Variants in NDUFS4 observed in about 807,000 individuals in gnomAD.
The protein encoded by NDUFS4 is NADH:ubiquinone oxidoreductase subunit S4, also known as NADH dehydrogenase [ubiquinone] iron-sulfur protein 4, mitochondrial.
Under a neutral mutation model 24.3 loss-of-function variants are expected in NDUFS4, and 28 were observed. The observed-to-expected ratio is 1.15, with a 90% confidence interval of 0.85 to 1.58. The LOEUF (loss-of-function observed/expected upper bound fraction) is 1.58, where lower values mean the gene tolerates loss of function less well. Among genes scored for constraint, NDUFS4 ranks in the 40% most tolerant of loss-of-function variants. The probability of loss-of-function intolerance (pLI) is 0.00; values close to 1 mark genes in which losing one functional copy is unlikely to be tolerated. For synonymous variants in NDUFS4, 93 were observed against 69.7 expected (o/e 1.34, Z -1.67); for missense variants, 223 against 207.9 (o/e 1.07, Z -0.45).
intron 4 of NDUFS4, among the ~76,000 whole-genome samples, chr5:53,665,531 G>A (rs746668007): frequency 2.6e-5 from 4 of 152,316 alleles, no homozygotes; most frequent in South Asian, 2.1e-4. Flanking sequence ...AATGGCGGAC[G>A]CCCCTCCCAC....
At chr5:53,633,617 T>C (rs1016705864) in intron 2 of NDUFS4, among the ~76,000 whole-genome samples, 1 of 152,198 alleles carries the variant, frequency 6.6e-6, no homozygotes, top group African/African-American at 2.4e-5. Flanking sequence ...TATGAAGGCT[T>C]CTGTGTCACA....
chr5:53,678,956 C>CTGTAACAAACACCTTGGAGGAGGATGCT (rs1376081186), intron 4 of NDUFS4, among the ~76,000 whole-genome samples: 1 of 152,072 alleles, frequency 6.6e-6, no homozygotes, highest in African/African-American at 2.4e-5. Context: ...CATCCAGGTA[C>CTGTAACAAACACCTTGGAGGAGGATGCT]TGTAACAAAC....
intron 2 of NDUFS4, among the ~76,000 whole-genome samples, chr5:53,605,080 G>A (rs1158301129): frequency 6.6e-6 from 1 of 152,136 alleles, no homozygotes; most frequent in African/African-American, 2.4e-5. Context: ...AATTAGCTGG[G>A]CGTGGTGGCG....
intron 2 of NDUFS4, among the ~76,000 whole-genome samples, chr5:53,642,503 G>A (rs866497863): frequency 1.3e-5 from 2 of 152,116 alleles, no homozygotes; most frequent in South Asian, 2.1e-4. Flanking sequence ...AAAAGAGAGC[G>A]GCCAGCAAGA....
chr5:53,624,217 A>G (rs925965730), intron 2 of NDUFS4, among the ~76,000 whole-genome samples: 1 of 152,156 alleles, frequency 6.6e-6, no homozygotes, highest in Non-Finnish European at 1.5e-5. Flanking sequence ...TGGCCCATAT[A>G]TCTATTCTCT....
chr5:53,670,314 C>A (rs1045660262), intron 4 of NDUFS4, among the ~76,000 whole-genome samples: 1 of 151,910 alleles, frequency 6.6e-6, no homozygotes, highest in Non-Finnish European at 1.5e-5. Flanking sequence ...TAATCTAGAT[C>A]TACACTATCC....
At chr5:53,618,086 A>G (rs569041048) in intron 2 of NDUFS4, among the ~76,000 whole-genome samples, 1 of 152,210 alleles carries the variant, frequency 6.6e-6, no homozygotes, top group Non-Finnish European at 1.5e-5. Context: ...AGACCAGCCC[A>G]GGCAAATGGG....
intron 2 of NDUFS4, among the ~76,000 whole-genome samples, chr5:53,623,707 C>A (rs1561369710): frequency 6.7e-6 from 1 of 148,836 alleles, no homozygotes; most frequent in Non-Finnish European, 1.5e-5. Flanking sequence ...GGTCTTTGAT[C>A]TGTTTTTTTG....
chr5:53,608,836 A>G (rs756477501), intron 2 of NDUFS4, among the ~76,000 whole-genome samples: 1 of 152,258 alleles, frequency 6.6e-6, no homozygotes, highest in African/African-American at 2.4e-5. Context: ...AAAATAAAAC[A>G]AAGATTCAAC....
At chr5:53,584,196 C>G (rs1749667237) in intron 1 of NDUFS4, among the ~76,000 whole-genome samples, 1 of 152,184 alleles carries the variant, frequency 6.6e-6, no homozygotes, top group Non-Finnish European at 1.5e-5. Context: ...TGTCTGCCTT[C>G]TCGCAATAAA....
At chr5:53,682,718 A>G (rs2111615268) in intron 4 of NDUFS4, among the ~76,000 whole-genome samples, 1 of 152,196 alleles carries the variant, frequency 6.6e-6, no homozygotes, top group African/African-American at 2.4e-5. Flanking sequence ...AAACTCTTGT[A>G]AAGAAACCAA....
At chr5:53,639,159 C>G (rs2112498909) in intron 2 of NDUFS4, among the ~76,000 whole-genome samples, 1 of 151,834 alleles carries the variant, frequency 6.6e-6, no homozygotes, top group East Asian at 1.9e-4. Context: ...TCCTTTATTG[C>G]ATTTTTTTTG....
intron 4 of NDUFS4, among the ~76,000 whole-genome samples, chr5:53,674,394 C>T (rs540981074): frequency 2.0e-4 from 31 of 152,246 alleles, no homozygotes; most frequent in African/African-American, 6.5e-4. Flanking sequence ...CTTCAAGGTA[C>T]AAGGGTGGGA....
chr5:53,639,865 G>A (rs950859515), intron 2 of NDUFS4, among the ~76,000 whole-genome samples: 1 of 152,070 alleles, frequency 6.6e-6, no homozygotes, highest in Non-Finnish European at 1.5e-5. Flanking sequence ...TTCAAGAGAA[G>A]ACAGGTAGGA....
chr5:53,567,128 C>T (rs4865548), intron 1 of NDUFS4, among the ~76,000 whole-genome samples: 8,449 of 152,204 alleles, frequency 0.056, 829 homozygotes, highest in East Asian at 0.46. Context: ...GAATTACAGG[C>T]GTGAGCCACT....
intron 2 of NDUFS4, among the ~76,000 whole-genome samples, chr5:53,608,179 G>A (rs1750586510): frequency 6.6e-6 from 1 of 152,174 alleles, no homozygotes; most frequent in South Asian, 2.1e-4. Flanking sequence ...TCTGCTAAGT[G>A]TGCATTAGCA....
In NDUFS4 at chr5:53,588,292, C is replaced by A. The variant is rs113657071; in HGVS notation, c.99-15160C>A. Among the ~76,000 whole-genome samples, 1,224 of 152,284 alleles carry A rather than the reference C, an allele frequency of 8.0e-3. 14 individuals carry two copies. Among genetic ancestry groups the A allele is most frequent in the African/African-American group, 0.028 (1,154 of 41,546 alleles). ...TGAGCCTTCAGTGGGGTTCTCTTTC[C>A]TCTCTTGCCTTCCTATGAATTGGTC... On this transcript the variant is annotated intron_variant, in intron 1 of 4. Transcript: ENST00000296684.
chr5:53,632,737 A>G (rs1339545338), intron 2 of NDUFS4, among the ~76,000 whole-genome samples: 1 of 152,132 alleles, frequency 6.6e-6, no homozygotes, highest in Non-Finnish European at 1.5e-5. Flanking sequence ...TTCTGTTATC[A>G]GGTTGTCCAA....
At chr5:53,664,896 G>A (rs771288060) in intron 4 of NDUFS4, among the ~76,000 whole-genome samples, 4 of 152,210 alleles carry the variant, frequency 2.6e-5, no homozygotes, top group Non-Finnish European at 4.4e-5. Flanking sequence ...TGGAGGAGGA[G>A]AAGTGCTCTG....
Sources: allele counts gnomAD v4.1 joint callset (sites outside exome capture counted in the v4.1 genomes callset), GRCh38; gene constraint gnomAD v4.1.1; transcripts MANE v1.5; gene names NCBI Gene and HGNC (gene_info 2026-07-23, HGNC 2026-07-21).